The following GABRA2 variants were observed in gnomAD, a reference collection of about 807,000 sequenced individuals.
GABRA2 encodes gamma-aminobutyric acid receptor subunit alpha-2.
GABRA2 carries 16 observed loss-of-function variants against 48.7 expected under a neutral mutation model. The observed-to-expected ratio is 0.33, with a 90% CI of 0.22 to 0.50. GABRA2 has a LOEUF of 0.50. Ranked by LOEUF, GABRA2 falls within the 20% of genes least tolerant of loss-of-function variation. The probability of loss-of-function intolerance (pLI) is 0.98; values close to 1 mark genes in which losing one functional copy is unlikely to be tolerated. For missense variants in GABRA2, 275 were observed against 535.6 expected (o/e 0.51, Z 4.80); for synonymous variants, 185 against 184.5 (o/e 1.00, Z -0.02).
chr4:46,359,871 C>T (rs1465967487), intron 3 of GABRA2, among the ~76,000 whole-genome samples: 5 of 151,146 alleles, frequency 3.3e-5, no homozygotes, highest in Non-Finnish European at 5.9e-5. Context: ...GAGCCAAGAT[C>T]GTGCCACTGC....
At chr4:46,260,800 G>A (rs562638865) in intron 9 of GABRA2, 4 of 151,988 alleles carry the variant, frequency 2.6e-5, no homozygotes, top group African/African-American at 4.8e-5. Flanking sequence ...TGTTGGCTCC[G>A]TTAGTAGGGA....
At chr4:46,316,610 G>A (rs1428371283) in intron 4 of GABRA2, among the ~76,000 whole-genome samples, 1 of 151,942 alleles carries the variant, frequency 6.6e-6, no homozygotes, top group Admixed American at 6.6e-5. Flanking sequence ...CACTAGAAGT[G>A]TATAAATGTT....
At chr4:46,275,658 A>T (rs111960643) in intron 8 of GABRA2, among the ~76,000 whole-genome samples, 1,881 of 152,260 alleles carry the variant, frequency 0.012, 42 homozygotes, top group African/African-American at 0.043. Flanking sequence ...AACCGCCCCA[A>T]TGTTATCAAA....
chr4:46,253,329 A>G (rs1715182193), intron 9 of GABRA2, among the ~76,000 whole-genome samples: 2 of 151,392 alleles, frequency 1.3e-5, no homozygotes, highest in Non-Finnish European at 3.0e-5. Flanking sequence ...GGGACTAACC[A>G]ATCTGAACAG....
At chr4:46,270,994 T>TA (rs397993238) in intron 8 of GABRA2, among the ~76,000 whole-genome samples, 74,163 of 144,704 alleles carry the variant, frequency 0.51, 18,999 homozygotes, top group South Asian at 0.74. Context: ...CCCTACTATA[T>TA]AAAAAAAAAA....
At chr4:46,258,310 T>C (rs2109336024) in intron 9 of GABRA2, among the ~76,000 whole-genome samples, 1 of 151,884 alleles carries the variant, frequency 6.6e-6, no homozygotes, top group South Asian at 2.1e-4. Context: ...AAATATGCAA[T>C]TACAAACTAC....
At chr4:46,256,902 C>G (rs1333779467) in intron 9 of GABRA2, among the ~76,000 whole-genome samples, 1 of 151,512 alleles carries the variant, frequency 6.6e-6, no homozygotes, top group Non-Finnish European at 1.5e-5. Context: ...TTTGTTCCTA[C>G]GTCTACGTTT....
At chr4:46,374,071 C>G (rs982226889) in intron 3 of GABRA2, among the ~76,000 whole-genome samples, 5 of 152,138 alleles carry the variant, frequency 3.3e-5, no homozygotes, top group Non-Finnish European at 2.9e-5. Context: ...TATATGATCA[C>G]AGTAACAACA....
intron 3 of GABRA2, among the ~76,000 whole-genome samples, chr4:46,353,051 T>C (rs1309765134): frequency 6.6e-6 from 1 of 152,144 alleles, no homozygotes; most frequent in African/African-American, 2.4e-5. Context: ...CTATGGAGAA[T>C]ATAAAGAAGT....
chr4:46,347,376 T>C (rs1255360537), intron 3 of GABRA2, among the ~76,000 whole-genome samples: 1 of 151,930 alleles, frequency 6.6e-6, no homozygotes, highest in East Asian at 1.9e-4. Flanking sequence ...AACAGCATAG[T>C]ACTGGCATAA....
chr4:46,271,952 C>T (rs561559773), intron 8 of GABRA2, among the ~76,000 whole-genome samples: 2 of 151,596 alleles, frequency 1.3e-5, no homozygotes, highest in Non-Finnish European at 2.9e-5. Context: ...TTTCACTGTC[C>T]CTTGTTTACC....
In GABRA2 at chr4:46,359,007, T is replaced by C. The variant is rs182779884; in HGVS notation, c.188-26325A>G. Among the ~76,000 whole-genome samples, 58 of 152,296 alleles carry C rather than the reference T, an allele frequency of 3.8e-4. No individual in the cohort carries two copies. In the East Asian group the frequency reaches 6.2e-3, roughly 16 times the overall value. On this transcript the variant is annotated intron_variant, in intron 3 of 9. Transcript: ENST00000381620. The stretch of plus-strand genomic sequence containing the variant: ...CATTCCACCATCATAAACACACACC[T>C]GTTATACCAAATATTGGGATCTGTA...
At chr4:46,358,716 T>C (rs1712620379) in intron 3 of GABRA2, among the ~76,000 whole-genome samples, 1 of 152,212 alleles carries the variant, frequency 6.6e-6, no homozygotes, top group Non-Finnish European at 1.5e-5. Context: ...CTGTCTCTGA[T>C]GCAATTAATC....
At chr4:46,370,648 G>T (rs1375169882) in intron 3 of GABRA2, among the ~76,000 whole-genome samples, 1 of 152,064 alleles carries the variant, frequency 6.6e-6, no homozygotes, top group Non-Finnish European at 1.5e-5. Flanking sequence ...TTTCAAAGAA[G>T]CTCTTAATTG....
At chr4:46,305,857 T>C (rs1726601221) in intron 6 of GABRA2, 146 bp from the exon 7 acceptor site, 7 of 592,714 alleles carry the variant, frequency 1.2e-5, no homozygotes, top group South Asian at 4.6e-5. Flanking sequence ...AATGTCTCAT[T>C]TGAATTTACT....
chr4:46,375,822 T>G (rs1340047128), intron 3 of GABRA2, among the ~76,000 whole-genome samples: 1 of 152,204 alleles, frequency 6.6e-6, no homozygotes, highest in Non-Finnish European at 1.5e-5. Context: ...TGGGTCTTGC[T>G]CGTGATAGTA....
intron 4 of GABRA2, among the ~76,000 whole-genome samples, chr4:46,314,621 C>T (rs1728233481): frequency 6.6e-6 from 1 of 152,018 alleles, no homozygotes; most frequent in Admixed American, 6.6e-5. Flanking sequence ...GTTAGTTTTC[C>T]AACCCTTGAC....
Position 46,245,432 on chromosome 4 carries a change from T to C in GABRA2, c.*4876A>G, listed in dbSNP as rs1713540179. 6.6e-6 allele frequency among the ~76,000 whole-genome samples: 1 copy of C among 151,024 alleles called. No individual in the cohort carries two copies. The highest frequency in any genetic ancestry group is 2.4e-5 in the African/African-American group (1 of 41,156). ...CAAGATCATTTTGAATTTAATCTTT[T>C]TTTAAAAAAAAACTAGAAATACATT... On this transcript the variant is annotated 3_prime_UTR_variant, in exon 10 of 10. Transcript: ENST00000381620.
chr4:46,385,014 AC>A (rs1717248720), intron 3 of GABRA2, among the ~76,000 whole-genome samples: 2 of 150,902 alleles, frequency 1.3e-5, no homozygotes, highest in Non-Finnish European at 3.0e-5. Flanking sequence ...ATATTATTGA[AC>A]CAGTTGGGTC....
Sources: gnomAD v4.1 joint callset for allele counts (sites outside exome capture counted in the v4.1 genomes callset) on GRCh38, gnomAD v4.1.1 for gene constraint, MANE v1.5 for transcripts, NCBI Gene and HGNC (gene_info 2026-07-23, HGNC 2026-07-21) for gene names.